The following PRKCE variants were observed in gnomAD, a reference collection of about 807,000 sequenced individuals.
PRKCE encodes protein kinase C epsilon type.
A neutral mutation model predicts 85.4 loss-of-function variants in PRKCE; 16 were observed. The ratio of observed to expected loss-of-function variants is 0.19; its 90% CI spans 0.13 to 0.28. PRKCE has a LOEUF of 0.28. Among genes scored for constraint, PRKCE ranks in the 10% least tolerant of loss-of-function variants. PRKCE has a pLI of 1.00. For missense variants in PRKCE, 573 were observed against 975.2 expected (o/e 0.59, Z 5.49); for synonymous variants, 388 against 371.5 (o/e 1.04, Z -0.51).
chr2:45,991,161 C>T (rs751326459), intron 6 of PRKCE, among the ~76,000 whole-genome samples: 4 of 151,982 alleles, frequency 2.6e-5, no homozygotes, highest in Non-Finnish European at 2.9e-5. Flanking sequence ...CACCTGCCAC[C>T]ACGCCCGGCA....
chr2:45,713,194 T>C (rs1679811760), intron 1 of PRKCE, among the ~76,000 whole-genome samples: 1 of 152,168 alleles, frequency 6.6e-6, no homozygotes, highest in Non-Finnish European at 1.5e-5. Flanking sequence ...TATTTAAGAA[T>C]GTGTTTGGAA....
At chr2:46,047,922 A>C (rs1161203140) in intron 10 of PRKCE, among the ~76,000 whole-genome samples, 1 of 152,242 alleles carries the variant, frequency 6.6e-6, no homozygotes, top group Non-Finnish European at 1.5e-5. Flanking sequence ...TTTAAAATGC[A>C]ATTCTCCCTT....
chr2:45,818,744 A>G (rs1207327674), intron 1 of PRKCE, among the ~76,000 whole-genome samples: 1 of 152,178 alleles, frequency 6.6e-6, no homozygotes, highest in African/African-American at 2.4e-5. Context: ...CCTGTTTTTG[A>G]TCATTTTAAT....
At chr2:46,124,726 A>G (rs1449255472) in intron 11 of PRKCE, among the ~76,000 whole-genome samples, 2 of 152,198 alleles carry the variant, frequency 1.3e-5, no homozygotes, top group Non-Finnish European at 2.9e-5. Flanking sequence ...CTCTTTGAAG[A>G]CTGGGCTCAT....
intron 14 of PRKCE, among the ~76,000 whole-genome samples, chr2:46,169,445 G>A (rs926852476): frequency 6.6e-6 from 1 of 152,134 alleles, no homozygotes; most frequent in Non-Finnish European, 1.5e-5. Context: ...ACTCCTTTCT[G>A]GACCTATTTC....
At chr2:46,087,276 G>A (rs1460539125) in intron 11 of PRKCE, among the ~76,000 whole-genome samples, 1 of 152,044 alleles carries the variant, frequency 6.6e-6, no homozygotes, top group Non-Finnish European at 1.5e-5. Flanking sequence ...ACAGAAAGGA[G>A]ACCTGGATCT....
intron 1 of PRKCE, among the ~76,000 whole-genome samples, chr2:45,681,650 G>C (rs1315201303): frequency 1.3e-5 from 2 of 152,154 alleles, no homozygotes; most frequent in Non-Finnish European, 2.9e-5. Flanking sequence ...ATCTCTACCT[G>C]GGCCTGTGGA....
At chr2:45,986,752 T>C (rs1703358316) in intron 6 of PRKCE, among the ~76,000 whole-genome samples, 1 of 152,118 alleles carries the variant, frequency 6.6e-6, no homozygotes, top group African/African-American at 2.4e-5. Flanking sequence ...GTGCTGACTG[T>C]GGACATGCCC....
At chr2:45,727,063 T>G (rs1452895321) in intron 1 of PRKCE, among the ~76,000 whole-genome samples, 1 of 152,222 alleles carries the variant, frequency 6.6e-6, no homozygotes, top group East Asian at 1.9e-4. Context: ...AAGCAAATTT[T>G]CTAGATAAAG....
chr2:45,693,656 C>G (rs1181721196), intron 1 of PRKCE, among the ~76,000 whole-genome samples: 1 of 152,080 alleles, frequency 6.6e-6, no homozygotes, highest in East Asian at 1.9e-4. Context: ...AGGCTGGTCT[C>G]AAGAAAACTC....
At chr2:45,882,405 G>A (rs1438241854) in intron 2 of PRKCE, among the ~76,000 whole-genome samples, 1 of 152,222 alleles carries the variant, frequency 6.6e-6, no homozygotes, top group Non-Finnish European at 1.5e-5. Flanking sequence ...TTGCTCTGAT[G>A]TCCGCAGTCT....
At chr2:45,968,553 A>G (rs1701888813) in intron 2 of PRKCE, among the ~76,000 whole-genome samples, 1 of 152,254 alleles carries the variant, frequency 6.6e-6, no homozygotes, top group Admixed American at 6.5e-5. Context: ...TGACAGGTAC[A>G]CTAAAATCTT....
chr2:45,773,436 G>A (rs1279176098), intron 1 of PRKCE, among the ~76,000 whole-genome samples: 1 of 152,210 alleles, frequency 6.6e-6, no homozygotes, highest in East Asian at 1.9e-4. Flanking sequence ...AGCTCTGTAA[G>A]GGAGGTGCTG....
intron 11 of PRKCE, among the ~76,000 whole-genome samples, chr2:46,104,295 A>C (rs1035526123): frequency 6.9e-5 from 4 of 57,702 alleles, no homozygotes; most frequent in Non-Finnish European, 1.1e-4. Context: ...TTCACCTTGT[A>C]CTTTTTTTTT....
At chr2:45,810,126 C>T (rs902574141) in intron 1 of PRKCE, among the ~76,000 whole-genome samples, 18 of 151,862 alleles carry the variant, frequency 1.2e-4, no homozygotes, top group South Asian at 4.2e-4. Flanking sequence ...CTGCAACCTC[C>T]GCCTCCCAGG....
chr2:45,797,569 C>T (rs551374104), intron 1 of PRKCE, among the ~76,000 whole-genome samples: 11 of 152,328 alleles, frequency 7.2e-5, no homozygotes, highest in Admixed American at 3.3e-4. Flanking sequence ...TTAATTAATT[C>T]GCTCTGCAAG....
chr2:45,781,727 C>A (rs935076253), intron 1 of PRKCE, among the ~76,000 whole-genome samples: 2 of 151,962 alleles, frequency 1.3e-5, no homozygotes, highest in Non-Finnish European at 2.9e-5. Flanking sequence ...GAAATATTTG[C>A]TTTTCTTTAG....
At position 45,940,617 on chromosome 2, in the gene PRKCE, T is replaced by A. The variant is rs994224861; in HGVS notation, c.413-35812T>A. ...CCAGGTACATTCACTGGTCCACACA[T>A]ACACTCTGTTCACACAGCGCACACT... On this transcript the variant is annotated intron_variant, in intron 2 of 14. Transcript: ENST00000306156. 5.3e-5 allele frequency among the ~76,000 whole-genome samples: 8 copies of A among 152,086 alleles called. 1 individual carries two copies. The highest frequency in any genetic ancestry group is 1.3e-4 in the Admixed American group (2 of 15,274).
intron 11 of PRKCE, among the ~76,000 whole-genome samples, chr2:46,119,733 G>A (rs546719149): frequency 3.9e-5 from 6 of 152,274 alleles, no homozygotes; most frequent in African/African-American, 1.2e-4. Context: ...GCATTGTTCC[G>A]GCAGCAGAGA....
Sources: gnomAD v4.1 joint callset for allele counts (sites outside exome capture counted in the v4.1 genomes callset) on GRCh38, gnomAD v4.1.1 for gene constraint, MANE v1.5 for transcripts, NCBI Gene and HGNC (gene_info 2026-07-23, HGNC 2026-07-21) for gene names.